Variants in TSHR observed in about 807,000 individuals in gnomAD.
TSHR encodes thyrotropin receptor.
In TSHR, 51 loss-of-function variants were observed where a neutral mutation model predicts 64.1. The ratio of observed to expected loss-of-function variants is 0.80; its 90% CI spans 0.64 to 1.01. The LOEUF is 1.01. Among genes scored for constraint, TSHR ranks in the 50% least tolerant of loss-of-function variants. The pLI is 0.00. For synonymous variants in TSHR, 361 were observed against 361.9 expected (o/e 1.00, Z 0.03); for missense variants, 877 against 942.8 (o/e 0.93, Z 0.91).
chr14:80,999,509 C>A (rs896243360), intron 1 of TSHR, among the ~76,000 whole-genome samples: 5 of 152,158 alleles, frequency 3.3e-5, no homozygotes, highest in Admixed American at 3.3e-4. Flanking sequence ...CAGATTTGCT[C>A]TTTCTCTCAG....
chr14:81,145,190 A>G lies in TSHR; in HGVS notation c.*837A>G, dbSNP rs958065331. On this transcript the variant is annotated 3_prime_UTR_variant, in exon 10 of 10. Coordinates refer to ENST00000298171, the MANE Select transcript of TSHR (RefSeq NM_000369.5). The stretch of plus-strand genomic sequence containing the variant: ...TGATTAATAAAACAGGCTGGACACT[A>G]ATTAACTATGGGACTTAAATCTGTA... The G allele has an allele frequency of 4.3e-6, 1 of 233,126 alleles. No individual in the cohort carries two copies. Among genetic ancestry groups the G allele is most frequent in the Middle Eastern group, 1.3e-3 (1 of 782 alleles). The allele number at this position is 233,126 out of a possible 1,614,324, so 14.4% of individuals were successfully genotyped here. A position where few individuals can be genotyped will look rare whatever the true frequency, so the allele number is the denominator to read the frequency against.
At chr14:80,974,793 T>C (rs1887781130) in intron 1 of TSHR, among the ~76,000 whole-genome samples, 1 of 152,220 alleles carries the variant, frequency 6.6e-6, no homozygotes, top group African/African-American at 2.4e-5. Context: ...GTATCCAATA[T>C]GTTCAGTATC....
intron 1 of TSHR, chr14:81,012,274 C>T (rs945199768): frequency 1.2e-4 from 18 of 151,088 alleles, no homozygotes; most frequent in Non-Finnish European, 1.2e-4. Context: ...ATGAACTCAT[C>T]ATTTTTTATG....
intron 1 of TSHR, chr14:80,992,411 A>AT (rs1888787074): frequency 1.3e-5 from 2 of 151,640 alleles, no homozygotes; most frequent in African/African-American, 4.9e-5. Flanking sequence ...AAAAAAAAAA[A>AT]AAAAAATAAG....
intron 1 of TSHR, among the ~76,000 whole-genome samples, chr14:80,973,754 T>C (rs1887720883): frequency 6.6e-6 from 1 of 152,256 alleles, no homozygotes; most frequent in Admixed American, 6.5e-5. Flanking sequence ...TATTGGCTTC[T>C]ATGCCTTTTT....
intron 1 of TSHR, among the ~76,000 whole-genome samples, chr14:81,025,737 C>G (rs1884017437): frequency 6.6e-6 from 1 of 152,172 alleles, no homozygotes; most frequent in Non-Finnish European, 1.5e-5. Context: ...CTAAAGACAT[C>G]TTGATCCCTA....
chr14:81,105,493 A>G (rs1321400868), intron 7 of TSHR, among the ~76,000 whole-genome samples: 2 of 152,176 alleles, frequency 1.3e-5, no homozygotes, highest in Non-Finnish European at 2.9e-5. Flanking sequence ...TTTAGAGAAC[A>G]CAGTCTCCTG....
intron 2 of TSHR, among the ~76,000 whole-genome samples, chr14:81,067,483 T>TA (rs10528933): frequency 9.6e-5 from 13 of 134,954 alleles, no homozygotes; most frequent in African/African-American, 3.2e-4. Flanking sequence ...GTTTATAGTT[T>TA]TATATATATA....
intron 1 of TSHR, chr14:81,052,387 C>A (rs757756231): frequency 6.6e-6 from 1 of 152,126 alleles, no homozygotes; most frequent in Admixed American, 6.6e-5. Context: ...GACTCTCTAC[C>A]CTATTCGATT....
At position 81,139,740 on chromosome 14, in the gene TSHR, C is replaced by A. The variant is rs1413501288; in HGVS notation, c.754C>A (p.Leu252Met). Reference sequence around the variant, plus strand: ...CAAAGGCCTGGAGCACCTGAAGGAACTGATAGCAAGAAACACCTGGACTCT... The same window carrying A: ...CAAAGGCCTGGAGCACCTGAAGGAAATGATAGCAAGAAACACCTGGACTCT... ...PSKGLEHLKE[L>M]IARNTWTLKK... Residue 252 changes from leucine (L) to methionine (M), a missense_variant, in exon 9 of 10, where the codon CTG becomes ATG. Coordinates refer to ENST00000298171, the MANE Select transcript of TSHR (RefSeq NM_000369.5). 1 of 1,614,232 alleles carries A rather than the reference C, an allele frequency of 6.2e-7. No individual in the cohort carries two copies. The highest frequency in any genetic ancestry group is 1.7e-5 in the Admixed American group (1 of 60,024).
At chr14:81,112,615 G>C (rs1890273279) in intron 8 of TSHR, among the ~76,000 whole-genome samples, 1 of 152,178 alleles carries the variant, frequency 6.6e-6, no homozygotes, top group Non-Finnish European at 1.5e-5. Context: ...GCCAGCCTTT[G>C]AAAATGTACA....
intron 1 of TSHR, chr14:81,033,272 A>T (rs776725341): frequency 1.3e-5 from 6 of 473,292 alleles, no homozygotes; most frequent in Non-Finnish European, 2.1e-5. Flanking sequence ...CTTGTCCAAG[A>T]ATACATCGAA....
intron 8 of TSHR, among the ~76,000 whole-genome samples, chr14:81,131,978 A>G (rs1891266956): frequency 6.9e-6 from 1 of 144,758 alleles, no homozygotes. Context: ...AGCAATCAAT[A>G]CATTCTGTAC....
At chr14:81,004,846 C>G (rs910664513) in intron 1 of TSHR, among the ~76,000 whole-genome samples, 18 of 152,140 alleles carry the variant, frequency 1.2e-4, no homozygotes, top group African/African-American at 4.3e-4. Context: ...GCAGGATGCC[C>G]CACAGGTGTT....
intron 6 of TSHR, 150 bp downstream of exon 6, chr14:81,092,758 C>T: frequency 1.3e-6 from 1 of 769,488 alleles, no homozygotes; most frequent in South Asian, 1.5e-5. Context: ...ATAGTATTGT[C>T]TTATGGGATG....
At chr14:81,053,347 C>T (rs1014901939) in intron 1 of TSHR, 3 of 152,230 alleles carry the variant, frequency 2.0e-5, no homozygotes. Context: ...AACATCCTCA[C>T]AGACACAACA....
At chr14:81,130,907 C>T (rs1891214362) in intron 8 of TSHR, among the ~76,000 whole-genome samples, 1 of 99,692 alleles carries the variant, frequency 1.0e-5, no homozygotes, top group Non-Finnish European at 1.8e-5. Context: ...AGGAGAATGG[C>T]GTGAACCCGG....
chr14:81,062,387 T>C (rs1886309289), intron 2 of TSHR, among the ~76,000 whole-genome samples, 168 bp downstream of exon 2: 2 of 152,172 alleles, frequency 1.3e-5, no homozygotes, highest in South Asian at 4.1e-4. Flanking sequence ...TTTTGCTATA[T>C]CTCTACTCCC....
intron 3 of TSHR, among the ~76,000 whole-genome samples, chr14:81,075,157 G>A (rs1887405690): frequency 6.6e-6 from 1 of 152,170 alleles, no homozygotes; most frequent in Admixed American, 6.5e-5. Context: ...TTCAAACAGT[G>A]TTCAAATAAG....
Sources: allele counts gnomAD v4.1 joint callset (sites outside exome capture counted in the v4.1 genomes callset), GRCh38; gene constraint gnomAD v4.1.1; transcripts MANE v1.5; gene names NCBI Gene and HGNC (gene_info 2026-07-23, HGNC 2026-07-21).